Variants in CTNNA3 observed in about 807,000 individuals in gnomAD.
CTNNA3 encodes the protein catenin alpha-3.
Under a neutral mutation model 95.7 loss-of-function variants are expected in CTNNA3, and 76 were observed. That is an observed-to-expected ratio of 0.79 (90% CI 0.66 to 0.96). The LOEUF (loss-of-function observed/expected upper bound fraction) is 0.96. CTNNA3 is among the 40% of genes least tolerant of loss of function. CTNNA3 has a pLI of 0.00. For synonymous variants in CTNNA3, 431 were observed against 374.4 expected (o/e 1.15, Z -1.74); for missense variants, 1,191 against 1,089.8 (o/e 1.09, Z -1.31).
At chr10:66,894,121 T>C (rs1349284029) in intron 7 of CTNNA3, among the ~76,000 whole-genome samples, 1 of 152,062 alleles carries the variant, frequency 6.6e-6, no homozygotes, top group East Asian at 1.9e-4. Context: ...TAGGTGTTTA[T>C]CCATGAATTT....
At chr10:67,469,451 T>C (rs565668924) in intron 5 of CTNNA3, among the ~76,000 whole-genome samples, 46 of 152,242 alleles carry the variant, frequency 3.0e-4, no homozygotes, top group African/African-American at 1.1e-3. Context: ...GTTCATGTCC[T>C]TCACAGGGAC....
chr10:66,306,688 AC>A (rs1228005717), intron 12 of CTNNA3, among the ~76,000 whole-genome samples: 2 of 152,200 alleles, frequency 1.3e-5, no homozygotes, highest in Non-Finnish European at 2.9e-5. Context: ...TCGAGTACTT[AC>A]GCTCTGCAAA....
intron 13 of CTNNA3, among the ~76,000 whole-genome samples, chr10:66,269,090 G>C (rs1005782781): frequency 1.2e-4 from 18 of 152,168 alleles, no homozygotes; most frequent in African/African-American, 3.9e-4. Context: ...CAATGCCCTA[G>C]AAATTTTACT....
Position 65,919,292 on chromosome 10 carries a change from A to C in CTNNA3, c.*1038T>G, listed in dbSNP as rs1032283297. The C allele has an allele frequency of 6.6e-6, 1 of 152,210 alleles. No homozygotes were observed. The highest frequency in any genetic ancestry group is 2.4e-5 in the African/African-American group (1 of 41,462). The allele number at this position is 152,210 out of a possible 1,614,324, so 9.4% of individuals were successfully genotyped here. A position where few individuals can be genotyped will look rare whatever the true frequency, so the allele number is the denominator to read the frequency against. ...ATGACCCCAGTGACTTTTATTTAAA[A>C]GAACGTTATTAAAATCACTCCAGCT... is the stretch of plus-strand genomic sequence containing the variant. On this transcript the variant is annotated 3_prime_UTR_variant, in exon 18 of 18. Coordinates refer to ENST00000433211, the MANE Select transcript of CTNNA3 (RefSeq NM_013266.4).
chr10:67,184,156 C>T (rs1343085033), intron 6 of CTNNA3, among the ~76,000 whole-genome samples: 6 of 152,216 alleles, frequency 3.9e-5, no homozygotes, highest in African/African-American at 1.2e-4. Context: ...TCTTAAAACA[C>T]TCTTATAATA....
At chr10:66,520,203 T>A (rs1289437577) in intron 11 of CTNNA3, among the ~76,000 whole-genome samples, 2 of 151,250 alleles carry the variant, frequency 1.3e-5, no homozygotes, top group South Asian at 2.1e-4. Flanking sequence ...ATCAATTAAA[T>A]GTTTACTGGA....
intron 9 of CTNNA3, among the ~76,000 whole-genome samples, chr10:66,751,897 T>C (rs1163717907): frequency 6.6e-6 from 1 of 152,110 alleles, no homozygotes; most frequent in Non-Finnish European, 1.5e-5. Flanking sequence ...TTTTTGGCAA[T>C]TAAAAATGTT....
chr10:66,441,127 G>A (rs2093372517), intron 11 of CTNNA3, among the ~76,000 whole-genome samples: 1 of 152,132 alleles, frequency 6.6e-6, no homozygotes, highest in African/African-American at 2.4e-5. Context: ...GAGGCCAGGA[G>A]TTTGAGACCA....
intron 1 of CTNNA3, among the ~76,000 whole-genome samples, chr10:67,723,276 G>A (rs1054538753): frequency 7.3e-5 from 11 of 150,616 alleles, no homozygotes; most frequent in Non-Finnish European, 1.0e-4. Flanking sequence ...CATGAGCCAC[G>A]GCACCTGGCC....
At chr10:66,845,729 A>AAAAAAAAAAAAAC (rs1297933220) in intron 7 of CTNNA3, among the ~76,000 whole-genome samples, 3 of 87,734 alleles carry the variant, frequency 3.4e-5, no homozygotes, top group Non-Finnish European at 5.1e-5. Context: ...AAAAAAAAAA[A>AAAAAAAAAAAAAC]CTAAAAAGGT....
chr10:66,074,217 CT>C (rs1193369275), intron 14 of CTNNA3, among the ~76,000 whole-genome samples: 4 of 115,292 alleles, frequency 3.5e-5, no homozygotes, highest in Non-Finnish European at 6.0e-5. Flanking sequence ...TATTATTCCA[CT>C]CTACAAATAT....
chr10:67,544,492 G>A (rs1353308365), intron 3 of CTNNA3, among the ~76,000 whole-genome samples: 1 of 152,128 alleles, frequency 6.6e-6, no homozygotes, highest in African/African-American at 2.4e-5. Context: ...AGTCCTGGGA[G>A]ATCAAGGCAG....
At chr10:66,184,450 T>C (rs780844781) in intron 13 of CTNNA3, among the ~76,000 whole-genome samples, 13 of 152,186 alleles carry the variant, frequency 8.5e-5, no homozygotes, top group Non-Finnish European at 8.8e-5. Flanking sequence ...CTAAAAATGT[T>C]AAATAATCTA....
chr10:66,591,189 C>T (rs1843537819), intron 10 of CTNNA3, among the ~76,000 whole-genome samples: 1 of 152,134 alleles, frequency 6.6e-6, no homozygotes, highest in Non-Finnish European at 1.5e-5. Context: ...AGAGAGCAGC[C>T]TCAGCAGGTT....
chr10:66,996,007 A>G (rs1851313008), intron 7 of CTNNA3, among the ~76,000 whole-genome samples: 1 of 152,166 alleles, frequency 6.6e-6, no homozygotes, highest in Non-Finnish European at 1.5e-5. Context: ...ATCCTACACA[A>G]TCACTTGTAA....
chr10:66,891,631 G>T (rs1845273097), intron 7 of CTNNA3, among the ~76,000 whole-genome samples: 1 of 152,066 alleles, frequency 6.6e-6, no homozygotes, highest in African/African-American at 2.4e-5. Context: ...CTTGTATGTA[G>T]ATTTCAGAGA....
chr10:67,378,768 A>C (rs1427910592), intron 5 of CTNNA3, among the ~76,000 whole-genome samples: 1 of 152,184 alleles, frequency 6.6e-6, no homozygotes, highest in East Asian at 1.9e-4. Flanking sequence ...TTAATGGAAT[A>C]TATACACAAT....
intron 16 of CTNNA3, among the ~76,000 whole-genome samples, chr10:65,986,468 A>G (rs1334890138): frequency 2.0e-5 from 3 of 151,556 alleles, no homozygotes; most frequent in African/African-American, 7.2e-5. Flanking sequence ...CCTATTTCTC[A>G]TAGCTACAAA....
At position 66,754,936 on chromosome 10, in the gene CTNNA3, C is replaced by T. The variant is rs570472855; in HGVS notation, c.1281+11328G>A. ...GTTAAACATAGAGTTATCATATGAC[C>T]GAAACCCAGAAATGCCACTCCTACA... On this transcript the variant is annotated intron_variant, in intron 9 of 17. Transcript: ENST00000433211. Among the ~76,000 whole-genome samples, 8 of 152,044 alleles carry T rather than the reference C, an allele frequency of 5.3e-5. 1 individual carries two copies. In the East Asian group the frequency reaches 1.4e-3, roughly 26 times the overall value.
Sources: allele counts gnomAD v4.1 joint callset (sites outside exome capture counted in the v4.1 genomes callset), GRCh38; gene constraint gnomAD v4.1.1; transcripts MANE v1.5; gene names NCBI Gene and HGNC (gene_info 2026-07-23, HGNC 2026-07-21).